Variants in TRIM37 observed in about 807,000 individuals in gnomAD.
TRIM37 encodes E3 ubiquitin-protein ligase TRIM37.
A neutral mutation model predicts 129.8 loss-of-function variants in TRIM37; 80 were observed. That is an observed-to-expected ratio of 0.62 (90% CI 0.51 to 0.74). The LOEUF (loss-of-function observed/expected upper bound fraction) is 0.74. TRIM37 is among the 30% of genes least tolerant of loss of function. The pLI, the probability that TRIM37 is intolerant of heterozygous loss-of-function variation, is 0.00. For synonymous variants in TRIM37, 389 were observed against 387.1 expected (o/e 1.00, Z -0.06); for missense variants, 1,054 against 1,176.5 (o/e 0.90, Z 1.52).
intron 19 of TRIM37, among the ~76,000 whole-genome samples, chr17:59,020,397 A>C (rs2036470991): frequency 6.6e-6 from 1 of 151,928 alleles, no homozygotes; most frequent in Non-Finnish European, 1.5e-5. Flanking sequence ...GGAGAAAAAA[A>C]AACAGAAGTA....
At chr17:59,013,140 T>TA (rs2035509842) in intron 21 of TRIM37, among the ~76,000 whole-genome samples, 1 of 152,070 alleles carries the variant, frequency 6.6e-6, no homozygotes, top group Admixed American at 6.6e-5. Context: ...ACTTTTGAGA[T>TA]ATATTATTAT....
intron 12 of TRIM37, among the ~76,000 whole-genome samples, chr17:59,057,679 T>C (rs947820715): frequency 1.3e-5 from 2 of 152,208 alleles, no homozygotes; most frequent in Admixed American, 1.3e-4. Flanking sequence ...CACACCACCA[T>C]GCCCAGCTAA....
At chr17:59,068,532 AC>A (rs1257533040) in intron 9 of TRIM37, among the ~76,000 whole-genome samples, 1 of 152,242 alleles carries the variant, frequency 6.6e-6, no homozygotes, top group Non-Finnish European at 1.5e-5. Flanking sequence ...GAAATAGCTG[AC>A]CACAGTATCA....
At chr17:58,994,541 C>A (rs2032781300), downstream of TRIM37, among the ~76,000 whole-genome samples, 1 of 152,048 alleles carries the variant, frequency 6.6e-6, no homozygotes, top group African/African-American at 2.4e-5. Flanking sequence ...AAGCTATGCA[C>A]AGCTGCACCC....
intron 8 of TRIM37, among the ~76,000 whole-genome samples, chr17:59,072,081 A>C (rs2042417385): frequency 6.6e-6 from 1 of 152,206 alleles, no homozygotes; most frequent in Admixed American, 6.5e-5. Context: ...CCACTGGGGT[A>C]GGGCCTTAAT....
At chr17:59,066,719 A>G (rs752268012) in intron 9 of TRIM37, among the ~76,000 whole-genome samples, 17 of 152,210 alleles carry the variant, frequency 1.1e-4, no homozygotes, top group Admixed American at 2.0e-4. Context: ...AATTTTTTGG[A>G]CACAAATAGT....
At chr17:59,005,162 C>G (rs2034310475) in intron 22 of TRIM37, among the ~76,000 whole-genome samples, 1 of 152,160 alleles carries the variant, frequency 6.6e-6, no homozygotes, top group Non-Finnish European at 1.5e-5. Flanking sequence ...TTTCTGAATT[C>G]CCGACAAATA....
downstream of TRIM37, among the ~76,000 whole-genome samples, chr17:58,993,955 G>A (rs76144754): frequency 6.6e-5 from 10 of 152,274 alleles, no homozygotes; most frequent in East Asian, 1.9e-3. Context: ...ATACTGAAAA[G>A]CTAAAGACTA....
chr17:59,063,287 C>T (rs1599283412), intron 10 of TRIM37, among the ~76,000 whole-genome samples: 1 of 152,132 alleles, frequency 6.6e-6, no homozygotes, highest in Non-Finnish European at 1.5e-5. Context: ...TCAGGCAATT[C>T]TCCTGCCTCA....
intron 11 of TRIM37, 103 bp from the exon 12 acceptor site, chr17:59,061,211 A>T: frequency 1.2e-6 from 1 of 852,510 alleles, no homozygotes; most frequent in East Asian, 2.6e-5. Context: ...TCTAAGCCTC[A>T]AAGCAATGGA....
At chr17:59,010,450 G>C (rs1299209434) in intron 22 of TRIM37, among the ~76,000 whole-genome samples, 1 of 152,128 alleles carries the variant, frequency 6.6e-6, no homozygotes, top group African/African-American at 2.4e-5. Context: ...GCAACATCCG[G>C]TAAATTAGAA....
intron 1 of TRIM37, among the ~76,000 whole-genome samples, chr17:59,105,024 G>A (rs1450550502): frequency 6.6e-6 from 1 of 151,250 alleles, no homozygotes; most frequent in Non-Finnish European, 1.5e-5. Context: ...CCTAGGAGGC[G>A]GAGGTTGCAG....
chr17:59,059,028 A>C (rs2041229038), intron 12 of TRIM37, among the ~76,000 whole-genome samples: 1 of 152,214 alleles, frequency 6.6e-6, no homozygotes, highest in Non-Finnish European at 1.5e-5. Context: ...CAAATGGGAG[A>C]AACTATTTGC....
At chr17:59,096,561 A>AC (rs1165503534) in intron 2 of TRIM37, among the ~76,000 whole-genome samples, 16 of 141,698 alleles carry the variant, frequency 1.1e-4, no homozygotes, top group African/African-American at 3.8e-4. Context: ...AAAAAAAAAA[A>AC]ACAAAAAAAA....
downstream of TRIM37, among the ~76,000 whole-genome samples, chr17:58,997,354 T>A (rs1166712328): frequency 1.3e-5 from 2 of 152,108 alleles, no homozygotes; most frequent in Non-Finnish European, 2.9e-5. Flanking sequence ...TTATTAGGTA[T>A]CAGAATGTTG....
Position 58,999,387 on chromosome 17 carries a change from C to T in TRIM37, c.2885G>A (p.Ser962Asn), listed in dbSNP as rs2033375107. The change falls in exon 24 of 24, where the codon AGT becomes AAT. Residue 962 changes from serine to asparagine, a missense_variant. Physicochemically the swap from Ser to Asn is conservative, Grantham distance 46. Coordinates refer to ENST00000262294, the MANE Select transcript of TRIM37 (RefSeq NM_015294.6). ...EDLSFNTDENSGR is the reference protein window; with the variant it reads ...EDLSFNTDENNGR ...CTCTTGATTTGGCAATTACCTTCCA[C>T]TATTTTCATCTGTATTGAAGCTGAG... is the stretch of plus-strand genomic sequence containing the variant. 1 of 1,613,920 alleles carries T rather than the reference C, an allele frequency of 6.2e-7. No individual in the cohort carries two copies. Among genetic ancestry groups the T allele is most frequent in the East Asian group, 2.2e-5 (1 of 44,852 alleles).
intron 22 of TRIM37, among the ~76,000 whole-genome samples, chr17:59,003,426 C>A (rs2034041621): frequency 6.6e-6 from 1 of 151,924 alleles, no homozygotes; most frequent in African/African-American, 2.4e-5. Context: ...AAGTAAAATC[C>A]TCTCTGGAAG....
At chr17:59,071,979 T>C in intron 8 of TRIM37, among the ~76,000 whole-genome samples, 1 of 152,234 alleles carries the variant, frequency 6.6e-6, no homozygotes, top group East Asian at 1.9e-4. Context: ...TTGTGCCCCT[T>C]TCCTCCATAA....
chr17:59,001,823 A>C, intron 22 of TRIM37, 109 bp from the exon 23 acceptor site: 1 of 1,454,322 alleles, frequency 6.9e-7, no homozygotes, highest in Non-Finnish European at 9.3e-7. Flanking sequence ...TTTTACATGG[A>C]ATGCCAAGAA....
Sources: gnomAD v4.1 joint callset for allele counts (sites outside exome capture counted in the v4.1 genomes callset) on GRCh38, gnomAD v4.1.1 for gene constraint, MANE v1.5 for transcripts, NCBI Gene and HGNC (gene_info 2026-07-23, HGNC 2026-07-21) for gene names.